The following FGF1 variants were observed in gnomAD, a reference collection of about 807,000 sequenced individuals.
FGF1 encodes the protein fibroblast growth factor 1.
A neutral mutation model predicts 13.4 loss-of-function variants in FGF1; 9 were observed. The observed-to-expected ratio is 0.67, with a 90% CI of 0.40 to 1.17. The LOEUF is 1.17. FGF1 is among the 50% of genes most tolerant of loss of function. The pLI, the probability that FGF1 is intolerant of heterozygous loss-of-function variation, is 0.01. For missense variants in FGF1, 156 were observed against 192.7 expected (o/e 0.81, Z 1.13); for synonymous variants, 93 against 79.0 (o/e 1.18, Z -0.94).
chr5:142,646,364 T>C (rs1766113024), intron 1 of FGF1, among the ~76,000 whole-genome samples: 1 of 151,896 alleles, frequency 6.6e-6, no homozygotes, highest in Non-Finnish European at 1.5e-5. Flanking sequence ...CAGCTAATTT[T>C]TTTTTGAGAG....
At chr5:142,678,387 C>G (rs1442645516) in intron 1 of FGF1, among the ~76,000 whole-genome samples, 1 of 152,150 alleles carries the variant, frequency 6.6e-6, no homozygotes, top group Non-Finnish European at 1.5e-5. Context: ...GAGAAGCTCC[C>G]CAGTGATGGA....
At chr5:142,645,906 GT>G (rs942224270) in intron 1 of FGF1, among the ~76,000 whole-genome samples, 7 of 151,632 alleles carry the variant, frequency 4.6e-5, no homozygotes, top group South Asian at 2.1e-4. Context: ...TTGTTTTTTT[GT>G]TTTTTTTGTT....
intron 1 of FGF1, among the ~76,000 whole-genome samples, chr5:142,638,677 G>A (rs1561633200): frequency 6.6e-6 from 1 of 151,980 alleles, no homozygotes; most frequent in Non-Finnish European, 1.5e-5. Flanking sequence ...AGCAAAAATA[G>A]TTCAATGGAA....
chr5:142,694,067 T>C (rs934780075), intron 2 of FGF1, among the ~76,000 whole-genome samples: 1 of 150,942 alleles, frequency 6.6e-6, no homozygotes, highest in Non-Finnish European at 1.5e-5. Flanking sequence ...GAAGAATTTA[T>C]CTATATCTCT....
chr5:142,694,026 A>C (rs911578063), intron 2 of FGF1, among the ~76,000 whole-genome samples: 6 of 147,472 alleles, frequency 4.1e-5, no homozygotes, highest in African/African-American at 1.5e-4. Flanking sequence ...TGGGTCTAGC[A>C]GTGTTTTTTT....
At chr5:142,672,573 C>T (rs1401686119) in intron 1 of FGF1, among the ~76,000 whole-genome samples, 4 of 144,570 alleles carry the variant, frequency 2.8e-5, no homozygotes, top group Admixed American at 7.1e-5. Flanking sequence ...GGTGTGATCT[C>T]GGCTCACTGC....
chr5:142,650,697 A>T (rs985732032), intron 1 of FGF1, among the ~76,000 whole-genome samples: 4 of 152,034 alleles, frequency 2.6e-5, no homozygotes, highest in African/African-American at 9.7e-5. Flanking sequence ...CACACTATGT[A>T]TACTGTGGTC....
intron 1 of FGF1, among the ~76,000 whole-genome samples, chr5:142,624,345 G>T (rs1156391718): frequency 6.6e-6 from 1 of 152,226 alleles, no homozygotes; most frequent in Admixed American, 6.5e-5. Context: ...GGGATTACAG[G>T]CATAAGCCAT....
intron 1 of FGF1, among the ~76,000 whole-genome samples, chr5:142,616,666 C>T (rs926806340): frequency 1.3e-5 from 2 of 152,082 alleles, no homozygotes; most frequent in Admixed American, 6.6e-5. Flanking sequence ...CTCTTCCTGT[C>T]TCTCCACTCA....
At chr5:142,634,211 A>C (rs1011444670) in intron 1 of FGF1, among the ~76,000 whole-genome samples, 6 of 151,720 alleles carry the variant, frequency 4.0e-5, no homozygotes, top group Non-Finnish European at 8.8e-5. Flanking sequence ...AAAAAAAAAA[A>C]AACTCCCTCT....
At chr5:142,674,379 C>T (rs1033632029) in intron 1 of FGF1, among the ~76,000 whole-genome samples, 1 of 152,126 alleles carries the variant, frequency 6.6e-6, no homozygotes, top group Non-Finnish European at 1.5e-5. Flanking sequence ...TAGGTGCTCC[C>T]TAAATATGAA....
intron 1 of FGF1, among the ~76,000 whole-genome samples, chr5:142,673,033 C>A (rs1157331594): frequency 6.6e-6 from 1 of 152,208 alleles, no homozygotes; most frequent in Non-Finnish European, 1.5e-5. Context: ...AAGCAAACAA[C>A]AGATAATAGC....
intron 1 of FGF1, among the ~76,000 whole-genome samples, chr5:142,675,025 G>A (rs1161646796): frequency 6.6e-6 from 1 of 152,154 alleles, no homozygotes; most frequent in Non-Finnish European, 1.5e-5. Context: ...CCCTCCAAAG[G>A]CTTGGCTTGG....
chr5:142,638,692 A>G (rs1037692002), intron 1 of FGF1, among the ~76,000 whole-genome samples: 5 of 152,108 alleles, frequency 3.3e-5, no homozygotes, highest in Non-Finnish European at 5.9e-5. Flanking sequence ...ATGGAATTGC[A>G]TCAAACTAAA....
At chr5:142,673,119 A>C (rs1289948306) in intron 1 of FGF1, among the ~76,000 whole-genome samples, 1 of 152,200 alleles carries the variant, frequency 6.6e-6, no homozygotes, top group African/African-American at 2.4e-5. Context: ...TCTGAAGAGC[A>C]GTAACACAAT....
chr5:142,662,913 T>C (rs1055528898), intron 1 of FGF1, among the ~76,000 whole-genome samples: 1 of 152,074 alleles, frequency 6.6e-6, no homozygotes, highest in Non-Finnish European at 1.5e-5. Flanking sequence ...AGCCTCGACC[T>C]CCTGCACTCA....
intron 1 of FGF1, among the ~76,000 whole-genome samples, chr5:142,635,416 T>A (rs1764089419): frequency 6.6e-6 from 1 of 152,224 alleles, no homozygotes. Flanking sequence ...TGGGAGCAGC[T>A]CAGTCAGTGT....
chr5:142,640,429 G>C lies in FGF1; in HGVS notation c.-34-26268C>G, dbSNP rs978320707. Among the ~76,000 whole-genome samples, 232 of 150,154 alleles carry C rather than the reference G, an allele frequency of 1.5e-3. 6 individuals carry two copies. The highest frequency in any genetic ancestry group is 5.4e-3 in the African/African-American group (221 of 40,658). On this transcript the variant is annotated intron_variant, in intron 1 of 3. Coordinates refer to ENST00000337706, the MANE Select transcript of FGF1 (RefSeq NM_000800.5). The stretch of plus-strand genomic sequence containing the variant: ...TGCACCAGGAGGTGGAGTATGGTGG[G>C]GGGGGGGGTCTCTCTGAGAAGCGGC...
At chr5:142,632,324 A>C (rs1215160388) in intron 1 of FGF1, among the ~76,000 whole-genome samples, 1 of 152,190 alleles carries the variant, frequency 6.6e-6, no homozygotes, top group Non-Finnish European at 1.5e-5. Context: ...AAAATGACTA[A>C]GGAGACTTAA....
Sources: gnomAD v4.1 joint callset for allele counts (sites outside exome capture counted in the v4.1 genomes callset) on GRCh38, gnomAD v4.1.1 for gene constraint, MANE v1.5 for transcripts, NCBI Gene and HGNC (gene_info 2026-07-23, HGNC 2026-07-21) for gene names.